The following CACNA1E variants were observed in gnomAD, a reference collection of about 807,000 sequenced individuals.
CACNA1E encodes the protein voltage-dependent R-type calcium channel subunit alpha-1E.
CACNA1E carries 40 observed loss-of-function variants against 259.2 expected under a neutral mutation model. The observed-to-expected ratio is 0.15, with a 90% CI of 0.12 to 0.20. CACNA1E has a LOEUF of 0.20. CACNA1E is among the 10% of genes least tolerant of loss of function. The probability of loss-of-function intolerance (pLI) is 1.00; values close to 1 mark genes in which losing one functional copy is unlikely to be tolerated. For missense variants in CACNA1E, 1,874 were observed against 3,040.1 expected, an observed-to-expected ratio of 0.62 and a Z score of 9.02; for synonymous variants, 1,104 against 1,138.5, an observed-to-expected ratio of 0.97 and a Z score of 0.61.
At chr1:181,760,484 A>G (rs1270587413) in intron 32 of CACNA1E, among the ~76,000 whole-genome samples, 1 of 152,226 alleles carries the variant, frequency 6.6e-6, no homozygotes, top group Non-Finnish European at 1.5e-5. Flanking sequence ...ATTGAAGTTC[A>G]GAAAAATTGT....
rs1558353814 is a variant in CACNA1E at position 181,758,002 on chromosome 1, A to G, written c.4385A>G (p.Gln1462Arg). 1.2e-6 allele frequency: 2 copies of G among 1,614,032 alleles called. No homozygotes were observed. Among genetic ancestry groups the G allele is most frequent in the Non-Finnish European group, 8.5e-7 (1 of 1,179,890 alleles). ...AAACCTCTCACCCGCTACATGCCGC[A>G]GAACAGACACACCTTCCAGTACCGC... ...SAKPLTRYMP[Q>R]NRHTFQYRVW... Residue 1462 changes from glutamine to arginine, a missense_variant, in exon 31 of 48, where the codon CAG becomes CGG. This residue lies in a region of CACNA1E where 188 missense variants were observed against 540.6 expected (regional missense o/e 0.35). Transcript: ENST00000367573. The surrounding 1 kb of genome is among the most constrained non-coding windows in gnomAD (Gnocchi z 4.2).
intron 19 of CACNA1E, among the ~76,000 whole-genome samples, chr1:181,731,476 G>A (rs886144035): frequency 3.9e-5 from 6 of 152,222 alleles, no homozygotes; most frequent in Non-Finnish European, 7.3e-5. Flanking sequence ...TGGCCTGTGA[G>A]TGGGTATATG....
At chr1:181,484,043 C>T (rs1291155665) in intron 1 of CACNA1E, 33 bp downstream of exon 1, 2 of 1,598,178 alleles carry the variant, frequency 1.3e-6, no homozygotes, top group African/African-American at 2.7e-5. Context: ...ACTCCCTCTC[C>T]CCCTTTGCAT....
intron 1 of CACNA1E, among the ~76,000 whole-genome samples, chr1:181,345,650 C>A (rs1339812648): frequency 6.6e-6 from 1 of 152,156 alleles, no homozygotes; most frequent in African/African-American, 2.4e-5. Flanking sequence ...CAGTGGAGAG[C>A]GGGGCTCATC....
At chr1:181,746,401 G>A (rs1380948081) in intron 25 of CACNA1E, among the ~76,000 whole-genome samples, 1 of 152,216 alleles carries the variant, frequency 6.6e-6, no homozygotes, top group Non-Finnish European at 1.5e-5. Context: ...TGACTCATTT[G>A]ACTAGTAAAT....
At chr1:181,730,292 G>T (rs1025799994) in intron 18 of CACNA1E, among the ~76,000 whole-genome samples, 5 of 152,236 alleles carry the variant, frequency 3.3e-5, no homozygotes, top group Admixed American at 3.3e-4. Context: ...GCTGGACTGA[G>T]TTCATCAGGC....
intron 1 of CACNA1E, among the ~76,000 whole-genome samples, chr1:181,392,595 A>G (rs1339554696): frequency 6.6e-6 from 1 of 152,224 alleles, no homozygotes; most frequent in Non-Finnish European, 1.5e-5. Context: ...ACATCTGTGG[A>G]AGGGAAATGT....
chr1:181,451,708 TAA>T (rs1661167644), intron 2 of CACNA1E, among the ~76,000 whole-genome samples: 1 of 146,840 alleles, frequency 6.8e-6, no homozygotes, highest in Non-Finnish European at 1.5e-5. Flanking sequence ...ACAAAAAAAA[TAA>T]AGTCATAGCT....
chr1:181,692,583 G>C (rs776204328), intron 7 of CACNA1E, among the ~76,000 whole-genome samples: 1 of 152,156 alleles, frequency 6.6e-6, no homozygotes, highest in Non-Finnish European at 1.5e-5. Flanking sequence ...ACAATGCTGG[G>C]ATAGCTGGTT....
intron 2 of CACNA1E, among the ~76,000 whole-genome samples, chr1:181,439,674 G>C (rs1433974814): frequency 6.6e-6 from 1 of 152,084 alleles, no homozygotes; most frequent in Admixed American, 6.5e-5. Flanking sequence ...GCTCATCTAA[G>C]GCATTTCCCC....
At chr1:181,683,583 C>T (rs1269603791) in intron 7 of CACNA1E, among the ~76,000 whole-genome samples, 1 of 152,170 alleles carries the variant, frequency 6.6e-6, no homozygotes, top group Non-Finnish European at 1.5e-5. Context: ...ATTCCTCACT[C>T]TCCTCTGATC....
intron 6 of CACNA1E, among the ~76,000 whole-genome samples, chr1:181,617,861 A>C (rs1021990625): frequency 1.3e-5 from 2 of 152,224 alleles, no homozygotes; most frequent in African/African-American, 2.4e-5. Context: ...AGGGCTTTGC[A>C]TGTCATCTGG....
At chr1:181,698,512 G>A (rs1046035006) in intron 7 of CACNA1E, among the ~76,000 whole-genome samples, 1 of 152,184 alleles carries the variant, frequency 6.6e-6, no homozygotes, top group African/African-American at 2.4e-5. Context: ...CCTGTGGTCT[G>A]ATTCAAAGAT....
chr1:181,798,948 C>A lies in CACNA1E; in HGVS notation c.*114C>A. ...AAGAGGGAAAAGGAAGATGGAAGGA[C>A]ACCATGCATTATCAGAGAAGAGGAA... On this transcript the variant is annotated 3_prime_UTR_variant, in exon 48 of 48. Coordinates refer to ENST00000367573, the MANE Select transcript of CACNA1E (RefSeq NM_001205293.3). The surrounding 1 kb of genome is among the most constrained non-coding windows in gnomAD (Gnocchi z 4.2). 1 of 902,840 alleles carries A rather than the reference C, an allele frequency of 1.1e-6. No individual in the cohort carries two copies. The highest frequency in any genetic ancestry group is 1.6e-6 in the Non-Finnish European group (1 of 629,232). 55.9% of individuals were successfully genotyped at this position (902,840 alleles called of 1,614,324 possible). A position where few individuals can be genotyped will look rare whatever the true frequency, so the allele number is the denominator to read the frequency against.
At chr1:181,508,346 C>G (rs1665894748) in intron 1 of CACNA1E, among the ~76,000 whole-genome samples, 1 of 152,188 alleles carries the variant, frequency 6.6e-6, no homozygotes, top group Non-Finnish European at 1.5e-5. Context: ...TCTCAACGCT[C>G]TCAACTTCTG....
In CACNA1E at chr1:181,652,675, A is replaced by G. The variant is rs557041573; in HGVS notation, c.1055+1234A>G. Among the ~76,000 whole-genome samples the G allele has an allele frequency of 1.8e-4, 27 of 152,292 alleles. 1 individual carries two copies. Among genetic ancestry groups the G allele is most frequent in the African/African-American group, 5.8e-4 (24 of 41,570 alleles). ...GGGTAGGCGTGGTGCTAAAAACAAA[A>G]GGACTGATGCAAAGTCCTTGTAAGG... On this transcript the variant is annotated intron_variant, in intron 7 of 47. Transcript: ENST00000367573.
intron 25 of CACNA1E, among the ~76,000 whole-genome samples, 161 bp from the exon 26 acceptor site, chr1:181,750,315 G>A (rs945703566): frequency 1.3e-5 from 2 of 152,264 alleles, no homozygotes; most frequent in African/African-American, 4.8e-5. Flanking sequence ...AAGGCTGTGG[G>A]TGGGGTCCCC....
At position 181,650,782 on chromosome 1, in the gene CACNA1E, C is replaced by T. The variant is rs137928645; in HGVS notation, c.952-556C>T. 5.3e-5 allele frequency among the ~76,000 whole-genome samples: 8 copies of T among 152,304 alleles called. No homozygotes were observed. In the East Asian group the frequency reaches 1.3e-3, roughly 26 times the overall value. ...AATCTAGATTTATTCCTTGTTCTGG[C>T]CAGAGCCTTGCTGGGGCCAAGCCTG... On this transcript the variant is annotated intron_variant, in intron 6 of 47. Transcript: ENST00000367573.
intron 3 of CACNA1E, among the ~76,000 whole-genome samples, chr1:181,526,410 GA>G (rs1667361739): frequency 1.7e-5 from 2 of 119,008 alleles, no homozygotes; most frequent in African/African-American, 6.9e-5. Flanking sequence ...TGCATGGTCT[GA>G]ATTTTTTTTT....
Sources: allele counts gnomAD v4.1 joint callset (sites outside exome capture counted in the v4.1 genomes callset), GRCh38; gene constraint gnomAD v4.1.1; regional missense constraint gnomAD v4.1.1; non-coding constraint Gnocchi (gnomAD v3.1); transcripts MANE v1.5; gene names NCBI Gene and HGNC (gene_info 2026-07-23, HGNC 2026-07-21).